Variants in SIGLEC11 observed in about 807,000 individuals in gnomAD.
SIGLEC11 encodes the protein sialic acid binding Ig like lectin 11.
SIGLEC11 carries 47 observed loss-of-function variants against 61.2 expected under a neutral mutation model. The observed-to-expected ratio is 0.77, with a 90% confidence interval of 0.61 to 0.98. The LOEUF is 0.98. Ranked by LOEUF, SIGLEC11 falls within the 50% of genes least tolerant of loss-of-function variation. The pLI is 0.00. For synonymous variants in SIGLEC11, 278 were observed against 373.1 expected (o/e 0.75, Z 2.94); for missense variants, 610 against 870.3 (o/e 0.70, Z 3.76).
chr19:49,958,808 T>C lies in SIGLEC11; in HGVS notation c.1198A>G (p.Arg400Gly), dbSNP rs1280630679. ...VCVTHSSPPA[R>G]LSWTRWGQTV... is the part of the protein sequence containing the mutation. ...TGTCCCCACCGGGTCCAGCTCAGCC[T>C]GGCTGGGGGGCTGCTGTGGGTGACA... Residue 400 changes from arginine to glycine, a missense_variant, in exon 7 of 11, where the codon AGG becomes GGG. Physicochemically the swap from Arg to Gly is moderately radical, Grantham distance 125. Coordinates refer to ENST00000447370, the MANE Select transcript of SIGLEC11 (RefSeq NM_052884.3). 5 of 1,613,028 alleles carry C rather than the reference T, an allele frequency of 3.1e-6. No homozygotes were observed. The highest frequency in any genetic ancestry group is 1.3e-5 in the African/African-American group (1 of 74,922).
chr19:49,950,369 C>CTCAT (rs1555833214), intron 10 of SIGLEC11, 133 bp from the exon 11 acceptor site: 3 of 923,424 alleles, frequency 3.2e-6, no homozygotes, highest in Non-Finnish European at 4.5e-6. Context: ...CAGCTGGGCC[C>CTCAT]TCATTCATTC....
At position 49,955,499 on chromosome 19, in the gene SIGLEC11, G is replaced by C. The variant is rs1019303449; in HGVS notation, c.1651+2784C>G. On this transcript the variant is annotated intron_variant, in intron 8 of 10. Coordinates refer to ENST00000447370, the MANE Select transcript of SIGLEC11 (RefSeq NM_052884.3). This position sits in a 1 kb window ranked among gnomAD's most constrained non-coding sequence, Gnocchi z 4.5. ...AAACAGTAAAGATAGATGGCAGTGC[G>C]TGCGTGCACAGGGGCGGGGCCCACG... Among the ~76,000 whole-genome samples the C allele has an allele frequency of 6.6e-6, 1 of 152,204 alleles. No individual in the cohort carries two copies. Among genetic ancestry groups the C allele is most frequent in the East Asian group, 1.9e-4 (1 of 5,202 alleles).
intron 8 of SIGLEC11, 50 bp from the exon 9 acceptor site, chr19:49,952,444 C>G: frequency 7.2e-7 from 1 of 1,384,778 alleles, no homozygotes; most frequent in Non-Finnish European, 1.0e-6. Context: ...CTGAGACCCT[C>G]CTGCCCCTTC....
intron 10 of SIGLEC11, 139 bp from the exon 11 acceptor site, chr19:49,950,375 C>G (rs558060280): frequency 1.2e-6 from 1 of 842,966 alleles, no homozygotes; most frequent in East Asian, 3.0e-5. Flanking sequence ...GGCCCTCATT[C>G]ATTCACTCAT....
chr19:49,960,716 G>C lies in SIGLEC11; in HGVS notation c.296C>G (p.Thr99Ser). The C allele has an allele frequency of 1.9e-6, 3 of 1,612,236 alleles. No homozygotes were observed. The highest frequency in any genetic ancestry group is 1.7e-5 in the Admixed American group (1 of 59,916). Reference sequence around the variant, plus strand: ...CCCAGTGAGCTGGAATCGGTCCCGGGTGCTCATTTCCACCTCTCGACTCTG... The same window carrying C: ...CCCAGTGAGCTGGAATCGGTCCCGGCTGCTCATTTCCACCTCTCGACTCTG... ...NNQSREVEMS[T>S]RDRFQLTGDP... The change falls in exon 2 of 11, where the codon ACC becomes AGC. Residue 99 changes from threonine (T) to serine (S), a missense_variant. Physicochemically the swap from Thr to Ser is moderately conservative, Grantham distance 58 (BLOSUM62 1). This residue lies in a region of SIGLEC11 where 99 missense variants were observed against 131.6 expected (regional missense o/e 0.75). Coordinates refer to ENST00000447370, the MANE Select transcript of SIGLEC11 (RefSeq NM_052884.3).
Position 49,960,295 on chromosome 19 carries a change from GC to G in SIGLEC11, c.586del (p.Ala196LeufsTer42). 2 of 1,602,146 alleles carry G rather than the reference GC, an allele frequency of 1.2e-6. No homozygotes were observed. The highest frequency in any genetic ancestry group is 8.5e-7 in the Non-Finnish European group (1 of 1,175,462). On this transcript the variant is annotated frameshift_variant, in exon 3 of 11. Transcript: ENST00000447370. LOFTEE classifies it high-confidence loss of function. ...CPAPSFSWTGAALSPRRTRPS... is the reference protein window; with the variant it reads ...CPAPSFSWTGXALSPRRTRPS... ...TCTGGTTCTTCTAGGGGAGAGGGCA[GC>G]CCCCGTCCAGGAGAAAGAAGGGGCT...
Position 49,958,635 on chromosome 19 carries a change from C to G in SIGLEC11, c.1363+8G>C. The G allele has an allele frequency of 6.3e-7, 1 of 1,580,590 alleles. No individual in the cohort carries two copies. On this transcript the variant is annotated splice_region_variant and intron_variant, in intron 7 of 10. Transcript: ENST00000447370. Reference sequence around the variant, plus strand: ...CTGGGACCCAGGTGTCCCCTTTCCCCCACTCACAGTGCACGGAGAGGCTGA... The same window carrying G: ...CTGGGACCCAGGTGTCCCCTTTCCCGCACTCACAGTGCACGGAGAGGCTGA...
At position 49,950,147 on chromosome 19, in the gene SIGLEC11, C is replaced by CTGCT; in HGVS notation, c.1916_1919dup (p.Glu641AlafsTer79). 11 of 1,612,244 alleles carry CTGCT rather than the reference C, an allele frequency of 6.8e-6. No homozygotes were observed. The highest frequency in any genetic ancestry group is 9.3e-6 in the Non-Finnish European group (11 of 1,179,646). On this transcript the variant is annotated frameshift_variant, in exon 11 of 11. Transcript: ENST00000447370. LOFTEE classifies it low-confidence loss of function (END_TRUNC). ...AGCTGAGGGAGGCATAGTGGAGCTCCTGCTCTTCCCCCTTCCCCGGGGTGT... is the reference window on the plus strand; with the variant it reads ...AGCTGAGGGAGGCATAGTGGAGCTCCTGCTTGCTCTTCCCCCTTCCCCGGGGTGT...
intron 8 of SIGLEC11, among the ~76,000 whole-genome samples, 194 bp downstream of exon 8, chr19:49,958,089 A>G (rs903022668): frequency 6.6e-6 from 1 of 152,198 alleles, no homozygotes; most frequent in African/African-American, 2.4e-5. Flanking sequence ...TACCTTAAAT[A>G]AACAATCCTC....
chr19:49,958,750 C>G lies in SIGLEC11; in HGVS notation c.1256G>C (p.Gly419Ala), dbSNP rs1261810949. ...TVGPSQPSDP[G>A]VLELPPIQME... is the part of the protein sequence containing the mutation. The stretch of plus-strand genomic sequence containing the variant: ...TTGAATGGGTGGCAGCTCCAGGACC[C>G]CGGGGTCTGAGGGCTGGGAGGGGCC... Residue 419 changes from glycine (G) to alanine (A), a missense_variant, in exon 7 of 11, where the codon GGG (glycine) becomes GCG (alanine). Coordinates refer to ENST00000447370, the MANE Select transcript of SIGLEC11 (RefSeq NM_052884.3). 1 of 1,613,880 alleles carries G rather than the reference C, an allele frequency of 6.2e-7. No individual in the cohort carries two copies. Among genetic ancestry groups the G allele is most frequent in the African/African-American group, 1.3e-5 (1 of 75,034 alleles).
At position 49,952,430 on chromosome 19, in the gene SIGLEC11, G is replaced by A. The variant is rs193287787; in HGVS notation, c.1652-36C>T. 96 of 1,540,824 alleles carry A rather than the reference G, an allele frequency of 6.2e-5. No individual in the cohort carries two copies. In the East Asian group the frequency reaches 1.9e-3, roughly 31 times the overall value. On this transcript the variant is annotated intron_variant, in intron 8 of 10. Transcript: ENST00000447370. ...GCAGGGTTTGGGGTGGTGCCCTCCT[G>A]GCCCTGAGACCCTCCTGCCCCTTCC...
rs1192052324 is a variant in SIGLEC11 at position 49,955,097 on chromosome 19, G to A, written c.1652-2703C>T. 1.3e-5 allele frequency among the ~76,000 whole-genome samples: 2 copies of A among 152,076 alleles called. No individual in the cohort carries two copies. The highest frequency in any genetic ancestry group is 2.4e-5 in the African/African-American group (1 of 41,394). On this transcript the variant is annotated intron_variant, in intron 8 of 10. Transcript: ENST00000447370. This position sits in a 1 kb window ranked among gnomAD's most constrained non-coding sequence, Gnocchi z 4.5. ...CACAGCATTTGTAGGGCAAGCCCAG[G>A]GTGACGTCAAGCGGCAGCTGCAGGC... is the stretch of plus-strand genomic sequence containing the variant.
intron 10 of SIGLEC11, among the ~76,000 whole-genome samples, chr19:49,950,532 A>G (rs564769640): frequency 4.2e-4 from 64 of 152,270 alleles, no homozygotes; most frequent in Admixed American, 3.1e-3. Context: ...TGTCTCCATG[A>G]TCAGATGGAG....
chr19:49,959,329 T>C, intron 5 of SIGLEC11, 31 bp downstream of exon 5: 1 of 1,600,398 alleles, frequency 6.2e-7, no homozygotes, highest in Middle Eastern at 2.2e-4. Flanking sequence ...GCCCTCCCAA[T>C]GGACTCCAGG....
At position 49,952,335 on chromosome 19, in the gene SIGLEC11, C is replaced by T; in HGVS notation, c.1711G>A (p.Ala571Thr). The T allele has an allele frequency of 6.2e-7, 1 of 1,611,404 alleles. No homozygotes were observed. The highest frequency in any genetic ancestry group is 8.5e-7 in the Non-Finnish European group (1 of 1,179,986). ...AGGCAGGAACAGAAAGCGAGCAGGG[C>T]AGCGACGCCAGCTCCCAGGGCAGCC... Reference protein sequence around the residue: ...LGAALGAGVAALLAFCSCLVV... With the variant: ...LGAALGAGVATLLAFCSCLVV... Residue 571 changes from alanine (A) to threonine (T), a missense_variant, in exon 9 of 11, where the codon GCC (alanine) becomes ACC (threonine). Transcript: ENST00000447370.
chr19:49,952,312 G>T lies in SIGLEC11; in HGVS notation c.1734C>A (p.Cys578Ter), dbSNP rs2076163672. 1 of 1,612,662 alleles carries T rather than the reference G, an allele frequency of 6.2e-7. No individual in the cohort carries two copies. The highest frequency in any genetic ancestry group is 8.5e-7 in the Non-Finnish European group (1 of 1,179,958). Residue 578 changes from cysteine to a stop codon, truncating the protein, a stop_gained, in exon 9 of 11, where the codon TGC becomes TGA. Coordinates refer to ENST00000447370, the MANE Select transcript of SIGLEC11 (RefSeq NM_052884.3). LOFTEE classifies it high-confidence loss of function. Reference protein sequence around the residue: ...GVAALLAFCSCLVVFRVKICR... With the variant: ...GVAALLAFCS ...CCGATGCTTACCTGAAGACGACAAG[G>T]CAGGAACAGAAAGCGAGCAGGGCAG...
Position 49,955,061 on chromosome 19 carries a change from C to T in SIGLEC11, c.1652-2667G>A, listed in dbSNP as rs550340180. 1.5e-4 allele frequency among the ~76,000 whole-genome samples: 23 copies of T among 152,208 alleles called. No homozygotes were observed. The highest frequency in any genetic ancestry group is 9.8e-4 in the Admixed American group (15 of 15,286). ...TGACCCTGAGGCTGCTGAAAATCAG[C>T]GCATGGTAAACACAGCATTTGTAGG... On this transcript the variant is annotated intron_variant, in intron 8 of 10. Coordinates refer to ENST00000447370, the MANE Select transcript of SIGLEC11 (RefSeq NM_052884.3). The surrounding 1 kb of genome is among the most constrained non-coding windows in gnomAD (Gnocchi z 4.5).
chr19:49,951,612 T>G lies in SIGLEC11; in HGVS notation c.1830+279A>C, dbSNP rs1399419434. Reference sequence around the variant, plus strand: ...GGAGGGAGGGCAAAGGAGTCGGGGATGCAGGAGGAAATGAGGAGTGGGAGG... The same window carrying G: ...GGAGGGAGGGCAAAGGAGTCGGGGAGGCAGGAGGAAATGAGGAGTGGGAGG... On this transcript the variant is annotated intron_variant, in intron 10 of 10. Coordinates refer to ENST00000447370, the MANE Select transcript of SIGLEC11 (RefSeq NM_052884.3). This position sits in a 1 kb window ranked among gnomAD's most constrained non-coding sequence, Gnocchi z 4.6. Among the ~76,000 whole-genome samples, 1 of 151,982 alleles carries G rather than the reference T, an allele frequency of 6.6e-6. No individual in the cohort carries two copies. The highest frequency in any genetic ancestry group is 1.5e-5 in the Non-Finnish European group (1 of 67,970).
chr19:49,952,375 T>C lies in SIGLEC11; in HGVS notation c.1671A>G (p.Gly557=), dbSNP rs769432675. 4.1e-5 allele frequency: 66 copies of C among 1,606,976 alleles called. No individual in the cohort carries two copies. Among genetic ancestry groups the C allele is most frequent in the Non-Finnish European group, 5.4e-5 (64 of 1,179,842 alleles). ...QLLPGKLEHG[G]GLGLGAALGA... ...CCAGGGCAGCCCCCAGGCCAAGTCC[T>C]CCCCCATGCTCCAGCTTCCCTGCAT... Residue 557 remains glycine, a synonymous_variant, in exon 9 of 11, where the codon GGA becomes GGG. Transcript: ENST00000447370.
Sources: allele counts gnomAD v4.1 joint callset (sites outside exome capture counted in the v4.1 genomes callset), GRCh38; gene constraint gnomAD v4.1.1; regional missense constraint gnomAD v4.1.1; non-coding constraint Gnocchi (gnomAD v3.1); transcripts MANE v1.5; gene names NCBI Gene and HGNC (gene_info 2026-07-23, HGNC 2026-07-21).